The following WDR13 variants were observed in gnomAD, a reference collection of about 807,000 sequenced individuals.
WDR13 encodes the protein WD repeat-containing protein 13.
A neutral mutation model predicts 28.6 loss-of-function variants in WDR13; 1 was observed. The observed-to-expected ratio is 0.03, with a 90% confidence interval of 0.01 to 0.17. The LOEUF (loss-of-function observed/expected upper bound fraction) is 0.17, where lower values mean the gene tolerates loss of function less well. Ranked by LOEUF, WDR13 falls within the 10% of genes least tolerant of loss-of-function variation. The pLI, the probability that WDR13 is intolerant of heterozygous loss-of-function variation, is 1.00. For synonymous variants in WDR13, 201 were observed against 185.9 expected (o/e 1.08, Z -0.66); for missense variants, 264 against 469.3 (o/e 0.56, Z 4.04).
intron 5 of WDR13, 26 bp from the exon 6 acceptor site, chrX:48,600,293 C>T: frequency 8.6e-7 from 1 of 1,167,193 alleles, no homozygotes; most frequent in Non-Finnish European, 1.1e-6. Context: ...GTGCAGATTC[C>T]CACTAATGGC....
At position 48,600,299 on chromosome X, in the gene WDR13, A is replaced by G. The variant is rs782681501; in HGVS notation, c.524-20A>G. ...CCAGTGAGTGTGCAGATTCCCACTAATGGCTTCTTGGCATTGCAGTCCCAA... is the reference window on the plus strand; with the variant it reads ...CCAGTGAGTGTGCAGATTCCCACTAGTGGCTTCTTGGCATTGCAGTCCCAA... On this transcript the variant is annotated intron_variant, in intron 5 of 9. Coordinates refer to ENST00000376729, the MANE Select transcript of WDR13 (RefSeq NM_001347217.2). 8.5e-7 allele frequency: 1 copy of G among 1,172,063 alleles called. No homozygotes were observed. The highest frequency in any genetic ancestry group is 3.0e-5 in the East Asian group (1 of 33,556).
intron 8 of WDR13, among the ~76,000 whole-genome samples, chrX:48,602,555 G>T (rs1230712076): frequency 9.9e-6 from 1 of 100,712 alleles, no homozygotes; most frequent in African/African-American, 3.7e-5. Context: ...TTTTTTTGCG[G>T]GGAGTAGTGT....
At position 48,607,314 on chromosome X, in the gene WDR13, A is replaced by G. The variant is rs1368350534; in HGVS notation, c.*2282A>G. The G allele has an allele frequency of 1.0e-5, 1 of 98,188 alleles. No homozygotes were observed. The highest frequency in any genetic ancestry group is 3.8e-5 in the African/African-American group (1 of 26,113). 8.1% of individuals were successfully genotyped at this position (98,188 alleles called of 1,213,427 possible). On this transcript the variant is annotated 3_prime_UTR_variant, in exon 10 of 10. Coordinates refer to ENST00000376729, the MANE Select transcript of WDR13 (RefSeq NM_001347217.2). ...CATGCGAAATGTTGCTGACCAAGGAAGCTCAATTAGAGACTCAGCACCCAG... is the reference window on the plus strand; with the variant it reads ...CATGCGAAATGTTGCTGACCAAGGAGGCTCAATTAGAGACTCAGCACCCAG...
intron 8 of WDR13, 127 bp downstream of exon 8, chrX:48,602,333 C>A: frequency 2.6e-6 from 2 of 778,753 alleles, no homozygotes; most frequent in Non-Finnish European, 3.6e-6. Context: ...ACAGTAATAG[C>A]AGTAGTGAGC....
chrX:48,600,624 G>A lies in WDR13; in HGVS notation c.829G>A (p.Val277Met). 1 of 1,206,942 alleles carries A rather than the reference G, an allele frequency of 8.3e-7. No homozygotes were observed. Among genetic ancestry groups the A allele is most frequent in the Non-Finnish European group, 1.1e-6 (1 of 893,211 alleles). Reference sequence around the variant, plus strand: ...CCAGCCTGTCAACAACAACCTCACTGTGGTCAGGCTCCAGGACACCCACTC... The same window carrying A: ...CCAGCCTGTCAACAACAACCTCACTATGGTCAGGCTCCAGGACACCCACTC... Reference protein sequence around the residue: ...TFQPVNNNLTVVGNAKHNVHV... With the variant: ...TFQPVNNNLTMVGNAKHNVHV... The change falls in exon 6 of 10, where the codon GTG becomes ATG. Residue 277 changes from valine (V) to methionine (M), a missense_variant and splice_region_variant. This residue lies in a region of WDR13 where 157 missense variants were observed against 270.2 expected (regional missense o/e 0.58). Transcript: ENST00000376729.
Position 48,600,430 on chromosome X carries a change from T to C in WDR13, c.635T>C (p.Val212Ala). ...CCTGCCCCACCCACAGTGCTTCGCGTGCTACGGGGCCACACCCGTGGTGTC... is the reference window on the plus strand; with the variant it reads ...CCTGCCCCACCCACAGTGCTTCGCGCGCTACGGGGCCACACCCGTGGTGTC... ...LVPAPPTVLR[V>A]LRGHTRGVSD... Residue 212 changes from valine (V) to alanine (A), a missense_variant, in exon 6 of 10, where the codon GTG becomes GCG. Coordinates refer to ENST00000376729, the MANE Select transcript of WDR13 (RefSeq NM_001347217.2). 2.5e-6 allele frequency: 3 copies of C among 1,212,350 alleles called. No individual in the cohort carries two copies. The highest frequency in any genetic ancestry group is 3.3e-6 in the Non-Finnish European group (3 of 895,714).
At chrX:48,602,892 A>C (rs782163849) in intron 8 of WDR13, among the ~76,000 whole-genome samples, 19 of 111,301 alleles carry the variant, frequency 1.7e-4, no homozygotes, top group Non-Finnish European at 2.8e-4. Context: ...CATTTCCCAC[A>C]GCCTCTCCTT....
intron 8 of WDR13, among the ~76,000 whole-genome samples, chrX:48,602,994 C>G (rs1319825813): frequency 9.0e-6 from 1 of 110,871 alleles, no homozygotes; most frequent in Non-Finnish European, 1.9e-5. Flanking sequence ...TCCACAAATC[C>G]TAGGCGTGTA....
chrX:48,603,821 G>T (rs2062203465), intron 8 of WDR13, among the ~76,000 whole-genome samples: 2 of 111,076 alleles, frequency 1.8e-5, no homozygotes, highest in African/African-American at 6.6e-5. Flanking sequence ...TCCTCTCTTT[G>T]TGCTTATCTT....
chrX:48,599,649 C>T lies in WDR13; in HGVS notation c.455C>T (p.Thr152Met), dbSNP rs1556993836. The part of the protein sequence containing the change: ...AEASRAMAGD[T>M]SLSENYAFAG... The stretch of plus-strand genomic sequence containing the variant: ...GCAAGTCGGGCCATGGCCGGGGACA[C>T]GTCACTGAGCGAGAACTATGCCTTT... The change falls in exon 5 of 10, where the codon ACG (threonine) becomes ATG (methionine). Residue 152 changes from threonine (T) to methionine (M), a missense_variant. By Grantham distance (81) the Thr-to-Met change is moderately conservative. Transcript: ENST00000376729. 1 of 1,212,583 alleles carries T rather than the reference C, an allele frequency of 8.2e-7. No homozygotes were observed. Among genetic ancestry groups the T allele is most frequent in the Non-Finnish European group, 1.1e-6 (1 of 895,681 alleles).
At chrX:48,600,865 G>A in intron 6 of WDR13, 2 of 398,638 alleles carry the variant, frequency 5.0e-6, no homozygotes, top group Non-Finnish European at 4.4e-6. Flanking sequence ...GGAGGCGGAG[G>A]CGGGCGGATC....
At chrX:48,604,502 A>G (rs1322039152) in intron 9 of WDR13, 112 bp downstream of exon 9, 8 of 631,247 alleles carry the variant, frequency 1.3e-5, no homozygotes, top group Non-Finnish European at 2.0e-5. Flanking sequence ...CCTGGACCTC[A>G]TGACCCCTCC....
intron 8 of WDR13, among the ~76,000 whole-genome samples, chrX:48,603,870 T>C (rs781967911): frequency 9.0e-6 from 1 of 111,244 alleles, no homozygotes; most frequent in East Asian, 2.8e-4. Context: ...AAAGAAAAAC[T>C]AGTGAATGAA....
At chrX:48,602,264 G>A in intron 8 of WDR13, 58 bp downstream of exon 8, 2 of 1,123,631 alleles carry the variant, frequency 1.8e-6, no homozygotes, top group Non-Finnish European at 2.4e-6. Context: ...CAGCACACTG[G>A]GACAGTAGCT....
intron 8 of WDR13, 50 bp from the exon 9 acceptor site, chrX:48,604,222 T>C: frequency 8.9e-7 from 1 of 1,128,015 alleles, no homozygotes; most frequent in Non-Finnish European, 1.2e-6. Context: ...ACAACTTGTC[T>C]CCCTGCTAGG....
rs191729436 is a variant in WDR13, at chrX:48,605,423, G to A, written c.*391G>A. 1.0e-4 allele frequency: 15 copies of A among 146,520 alleles called. No homozygotes were observed. The highest frequency in any genetic ancestry group is 1.5e-4 in the Admixed American group (2 of 13,026). The allele number at this position is 146,520 out of a possible 1,213,427, so 12.1% of individuals were successfully genotyped here. A position where few individuals can be genotyped will look rare whatever the true frequency, so the allele number is the denominator to read the frequency against. ...GCCTTCATTGGGCTTGCATCATAGC[G>A]GAGACAGTAGATAAAAACATGGAAC... On this transcript the variant is annotated 3_prime_UTR_variant, in exon 10 of 10. Coordinates refer to ENST00000376729, the MANE Select transcript of WDR13 (RefSeq NM_001347217.2).
At position 48,600,383 on chromosome X, in the gene WDR13, C is replaced by T. The variant is rs140382607; in HGVS notation, c.588C>T (p.Ser196=). Residue 196 remains serine (S), a synonymous_variant, in exon 6 of 10, where the codon AGC becomes AGT. Transcript: ENST00000376729. ...HRLACCSLDG[S]ISLCQLVPAP... ...TGGCCTGCTGCTCACTCGACGGCAG[C>T]ATCTCCCTGTGCCAGCTGGTGCCTG... 8.3e-5 allele frequency: 100 copies of T among 1,209,828 alleles called. 1 individual carries two copies. In the African/African-American group the frequency reaches 1.6e-3, roughly 19 times the overall value.
chrX:48,597,607 C>T lies in WDR13; in HGVS notation c.-47C>T, dbSNP rs1264919327. ...GGGGGGCCTCAAGAACCGGAGGCAG[C>T]CCCGGAGGTGGTCCCCGATCCCGGG... On this transcript the variant is annotated 5_prime_UTR_variant, in exon 1 of 10. Transcript: ENST00000376729. 1 of 169,406 alleles carries T rather than the reference C, an allele frequency of 5.9e-6. No individual in the cohort carries two copies. Among genetic ancestry groups the T allele is most frequent in the Non-Finnish European group, 1.1e-5 (1 of 89,501 alleles). 14.0% of individuals were successfully genotyped at this position (169,406 alleles called of 1,213,427 possible).
Position 48,606,061 on chromosome X carries a change from A to T in WDR13, c.*1029A>T, listed in dbSNP as rs1316891270. Reference sequence around the variant, plus strand: ...ACAGGCCAGATGCTTCATGGGCCACAGTTAGGACTTTGGCTTTTTTTCTGA... The same window carrying T: ...ACAGGCCAGATGCTTCATGGGCCACTGTTAGGACTTTGGCTTTTTTTCTGA... On this transcript the variant is annotated 3_prime_UTR_variant, in exon 10 of 10. Coordinates refer to ENST00000376729, the MANE Select transcript of WDR13 (RefSeq NM_001347217.2). 9.2e-6 allele frequency: 1 copy of T among 109,068 alleles called. No individual in the cohort carries two copies. The highest frequency in any genetic ancestry group is 1.0e-4 in the Admixed American group (1 of 10,035). The allele number at this position is 109,068 out of a possible 1,213,427, so 9.0% of individuals were successfully genotyped here.
Sources: gnomAD v4.1 joint callset for allele counts (sites outside exome capture counted in the v4.1 genomes callset) on GRCh38, gnomAD v4.1.1 for gene constraint, gnomAD v4.1.1 regional missense constraint, MANE v1.5 for transcripts, NCBI Gene and HGNC (gene_info 2026-07-23, HGNC 2026-07-21) for gene names.